The following SLC8A1 variants were observed in gnomAD, a reference collection of about 807,000 sequenced individuals.
SLC8A1 encodes the protein sodium/calcium exchanger 1.
In SLC8A1, 18 loss-of-function variants were observed where a neutral mutation model predicts 68.3. That is an observed-to-expected ratio of 0.26 (90% CI 0.18 to 0.39). SLC8A1 has a LOEUF of 0.39. Among genes scored for constraint, SLC8A1 ranks in the 10% least tolerant of loss-of-function variants. SLC8A1 has a pLI of 1.00. For missense variants in SLC8A1, 985 were observed against 1,156.7 expected (o/e 0.85, Z 2.15); for synonymous variants, 475 against 415.5 (o/e 1.14, Z -1.74).
At chr2:40,342,922 T>G (rs900991143) in intron 2 of SLC8A1, among the ~76,000 whole-genome samples, 1 of 152,140 alleles carries the variant, frequency 6.6e-6, no homozygotes, top group African/African-American at 2.4e-5. Flanking sequence ...CTGGGTAAAA[T>G]GTGTCTGCAC....
chr2:40,192,144 A>G (rs952418671), intron 2 of SLC8A1, among the ~76,000 whole-genome samples: 2 of 152,152 alleles, frequency 1.3e-5, no homozygotes, highest in African/African-American at 4.8e-5. Context: ...ATGTGCTTTC[A>G]TTATTATTAT....
At chr2:40,349,240 A>G (rs1670309608) in intron 2 of SLC8A1, among the ~76,000 whole-genome samples, 1 of 152,184 alleles carries the variant, frequency 6.6e-6, no homozygotes, top group Non-Finnish European at 1.5e-5. Context: ...AAAACCGAAG[A>G]CATGTCTTAA....
chr2:40,199,978 G>A (rs928683017), intron 2 of SLC8A1, among the ~76,000 whole-genome samples: 2 of 149,392 alleles, frequency 1.3e-5, no homozygotes, highest in Admixed American at 6.8e-5. Context: ...AACAAAGTCA[G>A]CTTATATTAC....
intron 7 of SLC8A1, among the ~76,000 whole-genome samples, chr2:40,118,075 G>A (rs2035881507): frequency 6.6e-6 from 1 of 152,094 alleles, no homozygotes; most frequent in African/African-American, 2.4e-5. Context: ...TCCATGCTAG[G>A]CACTATGCTA....
chr2:40,341,920 C>A (rs1382821067), intron 2 of SLC8A1, among the ~76,000 whole-genome samples: 7 of 152,050 alleles, frequency 4.6e-5, no homozygotes, highest in Admixed American at 3.9e-4. Context: ...TTCTATCTGC[C>A]TGGAGTGTGG....
exon 8 of SLC8A1, chr2:40,106,473 A>G (rs1355725807): frequency 6.7e-6 from 1 of 148,572 alleles, no homozygotes; most frequent in African/African-American, 2.5e-5. Flanking sequence ...GGTTCTCATA[A>G]AAAAAAAAAC....
chr2:40,273,465 A>G (rs1000848267), intron 2 of SLC8A1, among the ~76,000 whole-genome samples: 32 of 152,194 alleles, frequency 2.1e-4, no homozygotes, highest in Admixed American at 1.5e-3. Flanking sequence ...ATGAGTCAAG[A>G]AAAAGCTACA....
chr2:40,119,266 T>C (rs752301380), intron 7 of SLC8A1, among the ~76,000 whole-genome samples: 10 of 152,278 alleles, frequency 6.6e-5, no homozygotes, highest in African/African-American at 7.2e-5. Context: ...TTGTGTCTCA[T>C]AGGTTTTATT....
chr2:40,312,322 C>A (rs1032065036), intron 2 of SLC8A1, among the ~76,000 whole-genome samples: 14 of 152,024 alleles, frequency 9.2e-5, no homozygotes, highest in Non-Finnish European at 1.9e-4. Flanking sequence ...AAACAAACTA[C>A]CAGGGTCATC....
chr2:40,426,696 A>C (rs1696937749), intron 2 of SLC8A1, among the ~76,000 whole-genome samples: 1 of 151,988 alleles, frequency 6.6e-6, no homozygotes, highest in African/African-American at 2.4e-5. Flanking sequence ...ACAAAACAAA[A>C]CACAGATTTA....
chr2:40,225,222 T>G (rs558409684), intron 2 of SLC8A1, among the ~76,000 whole-genome samples: 4 of 152,272 alleles, frequency 2.6e-5, no homozygotes, highest in African/African-American at 9.6e-5. Flanking sequence ...GTGGCTTTAA[T>G]TATGGCTAGT....
At chr2:40,304,436 T>G (rs372629411) in intron 2 of SLC8A1, among the ~76,000 whole-genome samples, 22 of 152,252 alleles carry the variant, frequency 1.4e-4, no homozygotes, top group Middle Eastern at 3.4e-3. Flanking sequence ...GACTGTCGCA[T>G]AAGGATTCTG....
In SLC8A1 at chr2:40,390,544, C is replaced by T. The variant is rs148937372; in HGVS notation, c.1808+37929G>A. ...TGCATACCATCTAGGTCTACTAAGT[C>T]ATAAACTCTGAGGATGAAGTTCAGC... On this transcript the variant is annotated intron_variant, in intron 2 of 7. Transcript: ENST00000406785. Among the ~76,000 whole-genome samples the T allele has an allele frequency of 5.4e-3, 822 of 152,208 alleles. 10 individuals are homozygous for T. The highest frequency in any genetic ancestry group is 0.019 in the African/African-American group (773 of 41,532).
At chr2:40,160,931 G>A in intron 5 of SLC8A1, 67 bp from the exon 9 acceptor site, 1 of 1,187,814 alleles carries the variant, frequency 8.4e-7, no homozygotes, top group South Asian at 1.2e-5. Context: ...CCAAGACCTT[G>A]TTGATTTTGA....
intron 2 of SLC8A1, among the ~76,000 whole-genome samples, chr2:40,393,778 G>C (rs1237281347): frequency 6.6e-6 from 1 of 152,048 alleles, no homozygotes; most frequent in African/African-American, 2.4e-5. Context: ...TTATATAACA[G>C]GATCTGTCAT....
rs1301385247 is a variant in SLC8A1, at chr2:40,451,479, G to A, written c.-25+425C>T. ...GATTACCGGAAGGAGGGATGTCCGC[G>A]GAGAAGAGTCCAGTGGGTGGGGACG... On this transcript the variant is annotated intron_variant, in intron 1 of 7. Coordinates refer to ENST00000406785, the Ensembl canonical transcript of SLC8A1. 2.0e-5 allele frequency among the ~76,000 whole-genome samples: 3 copies of A among 152,164 alleles called. No individual in the cohort carries two copies. The East Asian group carries it at 5.8e-4, about 29-fold the overall frequency.
chr2:40,106,015 C>G (rs1212915824), exon 8 of SLC8A1: 1 of 152,154 alleles, frequency 6.6e-6, no homozygotes, highest in African/African-American at 2.4e-5. Flanking sequence ...AATCCCATGT[C>G]TCAATAATTA....
chr2:40,255,150 ATGTGAGAGCATG>A (rs2063692536), intron 2 of SLC8A1: 1 of 152,060 alleles, frequency 6.6e-6, no homozygotes, highest in Admixed American at 6.5e-5. Flanking sequence ...ATGTCTGCAA[ATGTGAGAGCATG>A]TTAACATGAC....
At chr2:40,268,572 C>T (rs78349260) in intron 2 of SLC8A1, among the ~76,000 whole-genome samples, 2,845 of 152,226 alleles carry the variant, frequency 0.019, 80 homozygotes, top group African/African-American at 0.064. Context: ...CTATATTCCA[C>T]GCTGAAAAGT....
Sources: gnomAD v4.1 joint callset for allele counts (sites outside exome capture counted in the v4.1 genomes callset) on GRCh38, gnomAD v4.1.1 for gene constraint, MANE v1.5 for transcripts, NCBI Gene and HGNC (gene_info 2026-07-23, HGNC 2026-07-21) for gene names.